Variants in COL8A1 observed in about 807,000 individuals in gnomAD.
COL8A1 encodes the protein collagen alpha-1(VIII) chain.
Under a neutral mutation model 42.7 loss-of-function variants are expected in COL8A1, and 21 were observed. The observed-to-expected ratio is 0.49, with a 90% CI of 0.35 to 0.71. The LOEUF is 0.71. COL8A1 is among the 30% of genes least tolerant of loss of function. The pLI, the probability that COL8A1 is intolerant of heterozygous loss-of-function variation, is 0.01. For synonymous variants in COL8A1, 367 were observed against 369.1 expected (o/e 0.99, Z 0.06); for missense variants, 788 against 962.4 (o/e 0.82, Z 2.40).
intron 1 of COL8A1, chr3:99,677,753 G>A (rs919120418): frequency 6.6e-6 from 1 of 152,100 alleles, no homozygotes; most frequent in African/African-American, 2.4e-5. Flanking sequence ...TCCTCCAGAC[G>A]TTTCCATACA....
At chr3:99,751,568 A>T (rs773891107) in intron 2 of COL8A1, among the ~76,000 whole-genome samples, 1 of 152,146 alleles carries the variant, frequency 6.6e-6, no homozygotes, top group Non-Finnish European at 1.5e-5. Flanking sequence ...AAGAAAAGAA[A>T]ATTTATCTTC....
At chr3:99,664,564 G>A (rs1487564168) in intron 1 of COL8A1, among the ~76,000 whole-genome samples, 1 of 151,948 alleles carries the variant, frequency 6.6e-6, no homozygotes, top group East Asian at 1.9e-4. Context: ...AGCTATATTT[G>A]TACCCTGCTC....
chr3:99,723,295 A>C (rs1417336517), intron 1 of COL8A1, among the ~76,000 whole-genome samples: 1 of 152,074 alleles, frequency 6.6e-6, no homozygotes, highest in Non-Finnish European at 1.5e-5. Flanking sequence ...ATGTACTTAA[A>C]AGAAGAGAGA....
chr3:99,671,016 T>TG (rs1220285720), intron 1 of COL8A1, among the ~76,000 whole-genome samples: 7 of 151,396 alleles, frequency 4.6e-5, no homozygotes, highest in Admixed American at 2.6e-4. Flanking sequence ...ATGTGTGTGT[T>TG]GGGGGGGTTA....
At chr3:99,744,092 CTAATTTTTTG>C (rs1940965730) in intron 1 of COL8A1, among the ~76,000 whole-genome samples, 1 of 152,136 alleles carries the variant, frequency 6.6e-6, no homozygotes. Flanking sequence ...CCACACCTGG[CTAATTTTTTG>C]TATTTTTTTA....
chr3:99,720,442 T>C (rs1445272518), intron 1 of COL8A1, among the ~76,000 whole-genome samples: 2 of 152,170 alleles, frequency 1.3e-5, no homozygotes, highest in African/African-American at 4.8e-5. Flanking sequence ...ATATTTAATG[T>C]ATATTAAATA....
chr3:99,706,698 T>C lies in COL8A1; in HGVS notation c.-128-38199T>C, dbSNP rs373457461. On this transcript the variant is annotated intron_variant, in intron 1 of 3. Transcript: ENST00000652472. ...CTTAAATGACATCAATTCAGTCATC[T>C]TGATGTGCATGTTTTCATATCATTT... Among the ~76,000 whole-genome samples the C allele has an allele frequency of 5.9e-5, 9 of 152,378 alleles. No individual in the cohort carries two copies. In the South Asian group the frequency reaches 1.7e-3, roughly 28 times the overall value.
intron 1 of COL8A1, among the ~76,000 whole-genome samples, chr3:99,736,625 A>G (rs1178609231): frequency 6.6e-6 from 1 of 152,038 alleles, no homozygotes; most frequent in African/African-American, 2.4e-5. Context: ...GTTCTTTTAC[A>G]TTTGCTGAGG....
At position 99,780,028 on chromosome 3, in the gene COL8A1, C is replaced by T. The variant is rs567924752; in HGVS notation, c.-3-10652C>T. Among the ~76,000 whole-genome samples, 7 of 152,262 alleles carry T rather than the reference C, an allele frequency of 4.6e-5. No homozygotes were observed. The Middle Eastern group carries it at 0.01, about 222-fold the overall frequency. The stretch of plus-strand genomic sequence containing the variant: ...GAGACTGCAGTGAAGCAAAGTGTCA[C>T]GGAACGTGTGCTCAAGATCCCATCT... On this transcript the variant is annotated intron_variant, in intron 2 of 3. Coordinates refer to ENST00000652472, the MANE Select transcript of COL8A1 (RefSeq NM_020351.4).
In COL8A1 at chr3:99,677,179, T is replaced by G. The variant is rs573447671; in HGVS notation, c.-129+38515T>G. ...ATATAAGCACATCAATTTTAGCAGGTGTAAGCAAAGGAATTTAAAGAATGA... is the reference window on the plus strand; with the variant it reads ...ATATAAGCACATCAATTTTAGCAGGGGTAAGCAAAGGAATTTAAAGAATGA... On this transcript the variant is annotated intron_variant, in intron 1 of 3. Coordinates refer to ENST00000652472, the MANE Select transcript of COL8A1 (RefSeq NM_020351.4). 2.6e-5 allele frequency among the ~76,000 whole-genome samples: 4 copies of G among 152,014 alleles called. No individual in the cohort carries two copies. In the East Asian group the frequency reaches 5.8e-4, roughly 22 times the overall value.
At chr3:99,699,378 C>G (rs1200695868) in intron 1 of COL8A1, among the ~76,000 whole-genome samples, 1 of 152,226 alleles carries the variant, frequency 6.6e-6, no homozygotes, top group Non-Finnish European at 1.5e-5. Context: ...GTCTTCTCAT[C>G]TGTACAGTGA....
intron 1 of COL8A1, among the ~76,000 whole-genome samples, chr3:99,645,303 T>G (rs1391610627): frequency 1.3e-5 from 2 of 151,408 alleles, no homozygotes; most frequent in African/African-American, 4.9e-5. Context: ...ATGGCAGACA[T>G]AAGATTAAAG....
chr3:99,670,250 T>A (rs961724847), intron 1 of COL8A1, among the ~76,000 whole-genome samples: 1 of 152,080 alleles, frequency 6.6e-6, no homozygotes, highest in Non-Finnish European at 1.5e-5. Context: ...AAAAATGAAT[T>A]TAGTAGTAAC....
chr3:99,744,121 G>A (rs921241946), intron 1 of COL8A1, among the ~76,000 whole-genome samples: 7 of 151,976 alleles, frequency 4.6e-5, no homozygotes, highest in Non-Finnish European at 7.4e-5. Context: ...TAGTAGAGAC[G>A]GGGTTTCACC....
chr3:99,738,081 T>A (rs554476808), intron 1 of COL8A1, among the ~76,000 whole-genome samples: 2 of 152,290 alleles, frequency 1.3e-5, no homozygotes, highest in East Asian at 3.9e-4. Context: ...CTCCATCAGG[T>A]CCTTTAAGCA....
chr3:99,796,686 A>G lies in COL8A1; in HGVS notation c.*550A>G, dbSNP rs1942114647. 6.6e-6 allele frequency: 1 copy of G among 152,304 alleles called. No homozygotes were observed. Among genetic ancestry groups the G allele is most frequent in the Non-Finnish European group, 1.5e-5 (1 of 68,106 alleles). The allele number at this position is 152,304 out of a possible 1,614,324, so 9.4% of individuals were successfully genotyped here. A position where few individuals can be genotyped will look rare whatever the true frequency, so the allele number is the denominator to read the frequency against. On this transcript the variant is annotated 3_prime_UTR_variant, in exon 4 of 4. Transcript: ENST00000652472. Reference sequence around the variant, plus strand: ...GCCCTGGGGACCCTGGTAATGCTTTAGTCAAAGGGATATCTCTCTTGTATC... The same window carrying G: ...GCCCTGGGGACCCTGGTAATGCTTTGGTCAAAGGGATATCTCTCTTGTATC...
At chr3:99,708,096 A>G (rs1003603439) in intron 1 of COL8A1, among the ~76,000 whole-genome samples, 1 of 151,968 alleles carries the variant, frequency 6.6e-6, no homozygotes, top group Non-Finnish European at 1.5e-5. Flanking sequence ...CATTCCAGAG[A>G]CTACTGTGTC....
chr3:99,790,454 T>C (rs978608546), intron 2 of COL8A1, among the ~76,000 whole-genome samples: 1 of 152,240 alleles, frequency 6.6e-6, no homozygotes, highest in Non-Finnish European at 1.5e-5. Context: ...TCTCCCATAG[T>C]CTATGTTCCT....
At chr3:99,767,542 A>G (rs1251568747) in intron 2 of COL8A1, among the ~76,000 whole-genome samples, 1 of 152,236 alleles carries the variant, frequency 6.6e-6, no homozygotes, top group Non-Finnish European at 1.5e-5. Flanking sequence ...GGAAAAAGAA[A>G]GAAACCTCAA....
Sources: allele counts gnomAD v4.1 joint callset (sites outside exome capture counted in the v4.1 genomes callset), GRCh38; gene constraint gnomAD v4.1.1; transcripts MANE v1.5; gene names NCBI Gene and HGNC (gene_info 2026-07-23, HGNC 2026-07-21).